The following ADCY5 variants were observed in gnomAD, a reference collection of about 807,000 sequenced individuals.
ADCY5 encodes the protein adenylate cyclase 5.
ADCY5 carries 30 observed loss-of-function variants against 119.7 expected under a neutral mutation model. The ratio of observed to expected loss-of-function variants is 0.25; its 90% CI spans 0.19 to 0.34. ADCY5 has a LOEUF of 0.34. Ranked by LOEUF, ADCY5 falls within the 10% of genes least tolerant of loss-of-function variation. ADCY5 has a pLI of 1.00. For synonymous variants in ADCY5, 753 were observed against 762.2 expected, an observed-to-expected ratio of 0.99 and a Z score of 0.20; for missense variants, 1,324 against 1,775.2, an observed-to-expected ratio of 0.75 and a Z score of 4.57.
chr3:123,365,163 G>A (rs1943389465), intron 1 of ADCY5, among the ~76,000 whole-genome samples: 1 of 152,084 alleles, frequency 6.6e-6, no homozygotes, highest in Non-Finnish European at 1.5e-5. Context: ...TCACCATGCT[G>A]GCCAGGAGGT....
intron 1 of ADCY5, among the ~76,000 whole-genome samples, chr3:123,376,262 C>G (rs764099138): frequency 2.0e-5 from 3 of 147,654 alleles, no homozygotes; most frequent in Non-Finnish European, 3.0e-5. Context: ...GGTTAAAACT[C>G]CTCATCACCA....
chr3:123,353,687 T>G (rs1233230693), intron 1 of ADCY5, among the ~76,000 whole-genome samples: 1 of 152,158 alleles, frequency 6.6e-6, no homozygotes, highest in Admixed American at 6.5e-5. Flanking sequence ...ACTTGGCCAT[T>G]TGGATCCCAA....
intron 1 of ADCY5, among the ~76,000 whole-genome samples, chr3:123,387,488 T>C (rs1483777448): frequency 6.6e-6 from 1 of 152,100 alleles, no homozygotes; most frequent in Non-Finnish European, 1.5e-5. Flanking sequence ...AGCAGGAGGC[T>C]GGGGGTAAAC....
At chr3:123,396,050 G>GAGGGAGGGAGAGAGGGAGGGAGGGAGGA (rs1559859635) in intron 1 of ADCY5, among the ~76,000 whole-genome samples, 1 of 32,920 alleles carries the variant, frequency 3.0e-5, no homozygotes, top group Non-Finnish European at 6.2e-5. Context: ...GGGAGGGAGA[G>GAGGGAGGGAGAGAGGGAGGGAGGGAGGA]AGGGAGGGAG....
At chr3:123,373,414 A>T (rs1016033317) in intron 1 of ADCY5, among the ~76,000 whole-genome samples, 7 of 152,190 alleles carry the variant, frequency 4.6e-5, no homozygotes, top group Admixed American at 6.5e-5. Context: ...AGGGATGGAG[A>T]ACTCTTCTTG....
chr3:123,374,945 G>A (rs992548828), intron 1 of ADCY5, among the ~76,000 whole-genome samples: 1 of 152,232 alleles, frequency 6.6e-6, no homozygotes, highest in Non-Finnish European at 1.5e-5. Context: ...GGGTTGAGAA[G>A]TGCCCATCAA....
intron 1 of ADCY5, among the ~76,000 whole-genome samples, chr3:123,432,937 A>G (rs1389528805): frequency 6.6e-6 from 1 of 152,196 alleles, no homozygotes; most frequent in African/African-American, 2.4e-5. Flanking sequence ...CCTTCCTGCC[A>G]AAGTCAGAAC....
intron 1 of ADCY5, among the ~76,000 whole-genome samples, chr3:123,390,839 G>T (rs1199970312): frequency 1.3e-5 from 2 of 152,346 alleles, no homozygotes; most frequent in South Asian, 2.1e-4. Flanking sequence ...ATCCCCGAGG[G>T]TTCATCTCTG....
At chr3:123,368,050 G>A (rs1275038746) in intron 1 of ADCY5, 2 of 1,460,690 alleles carry the variant, frequency 1.4e-6, no homozygotes, top group Admixed American at 2.8e-5. Flanking sequence ...AGATTGCCTG[G>A]GGGAGAGAGG....
chr3:123,334,498 G>A (rs1225378589), intron 3 of ADCY5, among the ~76,000 whole-genome samples: 1 of 152,174 alleles, frequency 6.6e-6, no homozygotes, highest in African/African-American at 2.4e-5. Flanking sequence ...AGCACTTTGG[G>A]AGGCTTAAGT....
chr3:123,389,345 G>C (rs905888220), intron 1 of ADCY5, among the ~76,000 whole-genome samples: 4 of 152,098 alleles, frequency 2.6e-5, no homozygotes, highest in African/African-American at 7.2e-5. Context: ...TCTGGCCCAG[G>C]AGAGGAACTG....
At chr3:123,297,415 C>T in intron 15 of ADCY5, 33 bp from the exon 16 acceptor site, 1 of 1,612,028 alleles carries the variant, frequency 6.2e-7, no homozygotes, top group African/African-American at 1.3e-5. Context: ...CTGGTCAGGG[C>T]CACCCTTCTG....
At chr3:123,386,880 G>A (rs570870625) in intron 1 of ADCY5, among the ~76,000 whole-genome samples, 6 of 152,268 alleles carry the variant, frequency 3.9e-5, no homozygotes, top group South Asian at 4.2e-4. Flanking sequence ...GCCCGTCAGC[G>A]TGGAAGGGAA....
At chr3:123,303,960 G>A in intron 13 of ADCY5, 107 bp downstream of exon 13, 1 of 786,220 alleles carries the variant, frequency 1.3e-6, no homozygotes, top group South Asian at 1.6e-5. Context: ...AAACAAATAA[G>A]AACTTCCAGG....
intron 1 of ADCY5, among the ~76,000 whole-genome samples, chr3:123,360,043 C>T: frequency 6.6e-6 from 1 of 150,380 alleles, no homozygotes; most frequent in East Asian, 1.9e-4. Flanking sequence ...CTGCACCATG[C>T]TCAATTAGGT....
intron 1 of ADCY5, chr3:123,416,491 G>GTCTCTC (rs1945188505): frequency 1.5e-6 from 1 of 662,850 alleles, no homozygotes; most frequent in Non-Finnish European, 2.4e-6. Flanking sequence ...CGCAGAACAA[G>GTCTCTC]TCTCTCATAG....
chr3:123,369,470 G>T (rs563664724), intron 1 of ADCY5, among the ~76,000 whole-genome samples: 35 of 152,324 alleles, frequency 2.3e-4, no homozygotes, highest in Non-Finnish European at 4.3e-4. Context: ...TAAGCATTTG[G>T]AGATGGTTTC....
intron 17 of ADCY5, among the ~76,000 whole-genome samples, chr3:123,293,666 T>A (rs981762243): frequency 6.6e-6 from 1 of 151,970 alleles, no homozygotes; most frequent in Non-Finnish European, 1.5e-5. Flanking sequence ...AGAGATGACA[T>A]TGCAAGCACG....
chr3:123,367,598 T>C (rs1363825465), intron 1 of ADCY5, among the ~76,000 whole-genome samples: 1 of 151,992 alleles, frequency 6.6e-6, no homozygotes, highest in Non-Finnish European at 1.5e-5. Context: ...TTCCTGTGAG[T>C]AGTGGTGACA....
Sources: allele counts gnomAD v4.1 joint callset (sites outside exome capture counted in the v4.1 genomes callset), GRCh38; gene constraint gnomAD v4.1.1; transcripts MANE v1.5; gene names NCBI Gene and HGNC (gene_info 2026-07-23, HGNC 2026-07-21).